PRSS12: variants seen among roughly 807,000 people sequenced by gnomAD.
PRSS12 encodes neurotrypsin.
A neutral mutation model predicts 104.4 loss-of-function variants in PRSS12; 85 were observed. The ratio of observed to expected loss-of-function variants is 0.81; its 90% CI spans 0.68 to 0.98. The LOEUF is 0.98. Among genes scored for constraint, PRSS12 ranks in the 50% least tolerant of loss-of-function variants. The pLI is 0.00. For synonymous variants in PRSS12, 454 were observed against 425.2 expected, an observed-to-expected ratio of 1.07 and a Z score of -0.83; for missense variants, 1,141 against 1,139.2, an observed-to-expected ratio of 1.00 and a Z score of -0.02.
chr4:118,335,340 A>G (rs1004080664), intron 3 of PRSS12, 133 bp downstream of exon 3: 27 of 1,060,630 alleles, frequency 2.5e-5, no homozygotes, highest in Admixed American at 1.3e-4. Flanking sequence ...AGATGGTAAA[A>G]TATTTTGACT....
At chr4:118,310,154 G>A (rs1293286687) in intron 7 of PRSS12, among the ~76,000 whole-genome samples, 1 of 152,172 alleles carries the variant, frequency 6.6e-6, no homozygotes, top group African/African-American at 2.4e-5. Context: ...AAATTTGGGA[G>A]TTCTTTGCAA....
At chr4:118,297,572 T>G (rs1743282695) in intron 9 of PRSS12, among the ~76,000 whole-genome samples, 1 of 151,822 alleles carries the variant, frequency 6.6e-6, no homozygotes, top group South Asian at 2.1e-4. Flanking sequence ...AAAAGGATTG[T>G]AAGTGTTCTT....
chr4:118,293,322 G>A (rs1174030919), intron 11 of PRSS12, among the ~76,000 whole-genome samples: 3 of 151,864 alleles, frequency 2.0e-5, no homozygotes, highest in Non-Finnish European at 2.9e-5. Context: ...AATATTAAAA[G>A]CAAAACTATA....
intron 1 of PRSS12, among the ~76,000 whole-genome samples, chr4:118,351,596 C>T (rs1724506684): frequency 6.6e-6 from 1 of 152,112 alleles, no homozygotes; most frequent in African/African-American, 2.4e-5. Context: ...GTAGTATTCC[C>T]ATCTCTTTTC....
rs115531316 is a variant in PRSS12 at position 118,296,530 on chromosome 4, T to G, written c.1838-674A>C. ...GGCAAATGCAACAGGTATGACTAAT[T>G]TTTAAAATATTTGAGAAAACAGGAG... On this transcript the variant is annotated intron_variant, in intron 9 of 12. Coordinates refer to ENST00000296498, the MANE Select transcript of PRSS12 (RefSeq NM_003619.4). Among the ~76,000 whole-genome samples, 803 of 152,312 alleles carry G rather than the reference T, an allele frequency of 5.3e-3. 14 individuals are homozygous for G. Among genetic ancestry groups the G allele is most frequent in the African/African-American group, 0.018 (760 of 41,558 alleles).
Position 118,338,231 on chromosome 4 carries a change from T to C in PRSS12, c.586A>G (p.Ser196Gly). ...GCATCAGAATCATCCCAGTGGCTGC[T>C]ACAGACAGTGCCCCAAACTCCACTT... ...YASGVWGTVC[S>G]SHWDDSDASV... Residue 196 changes from serine (S) to glycine (G), a missense_variant, in exon 2 of 13, where the codon AGC (serine) becomes GGC (glycine). By Grantham distance (56) the Ser-to-Gly change is moderately conservative (BLOSUM62 0). Coordinates refer to ENST00000296498, the MANE Select transcript of PRSS12 (RefSeq NM_003619.4). The C allele has an allele frequency of 6.2e-7, 1 of 1,614,042 alleles. No homozygotes were observed. Among genetic ancestry groups the C allele is most frequent in the Non-Finnish European group, 8.5e-7 (1 of 1,179,952 alleles).
intron 4 of PRSS12, among the ~76,000 whole-genome samples, chr4:118,329,622 T>C (rs1430099188): frequency 6.6e-6 from 1 of 152,218 alleles, no homozygotes; most frequent in Non-Finnish European, 1.5e-5. Flanking sequence ...CAAATGCTGG[T>C]TACTTTGAAT....
chr4:118,336,040 C>T (rs1379430078), intron 2 of PRSS12, among the ~76,000 whole-genome samples: 1 of 152,184 alleles, frequency 6.6e-6, no homozygotes, highest in African/African-American at 2.4e-5. Flanking sequence ...CTGCAAGTAA[C>T]TCGAAGGCTT....
In PRSS12 at chr4:118,280,586, TTG is replaced by T. The variant is rs1369210071; in HGVS notation, c.*1348_*1349del. 7.2e-5 allele frequency: 11 copies of T among 152,218 alleles called. No individual in the cohort carries two copies. 9.4% of individuals were successfully genotyped at this position (152,218 alleles called of 1,614,324 possible). A position where few individuals can be genotyped will look rare whatever the true frequency, so the allele number is the denominator to read the frequency against. On this transcript the variant is annotated 3_prime_UTR_variant, in exon 13 of 13. Transcript: ENST00000296498. ...ATTCAAGAGGATTACTTAAAACAAT[TTG>T]TAAGTTCATGCTAACCTCTTCCCTA...
rs1264884866 is a variant in PRSS12 at position 118,281,478 on chromosome 4, TTTC to T, written c.*455_*457del. On this transcript the variant is annotated 3_prime_UTR_variant, in exon 13 of 13. Transcript: ENST00000296498. ...ACAAAGGCTACAGAGAATATGAAGA[TTTC>T]TTGTCAAGTCTTTTGAAAAGACCTA... 4.2e-5 allele frequency: 8 copies of T among 188,946 alleles called. No homozygotes were observed. The highest frequency in any genetic ancestry group is 1.6e-4 in the African/African-American group (7 of 42,442). 11.7% of individuals were successfully genotyped at this position (188,946 alleles called of 1,614,324 possible).
intron 7 of PRSS12, 111 bp from the exon 8 acceptor site, chr4:118,308,688 T>C (rs979272337): frequency 1.4e-6 from 2 of 1,422,252 alleles, no homozygotes; most frequent in African/African-American, 2.8e-5. Context: ...TAAAATCAGA[T>C]GGGAAATACT....
rs111532161 is a variant in PRSS12, at chr4:118,298,747, C to T, written c.1823G>A (p.Gly608Asp). The change falls in exon 9 of 13, where the codon GGT (glycine) becomes GAT (aspartate). Residue 608 changes from glycine to aspartate, a missense_variant. Coordinates refer to ENST00000296498, the MANE Select transcript of PRSS12 (RefSeq NM_003619.4). ...AGGTGACTTACCTTTATTACTGTTA[C>T]CTGAGGCCTTCTTGCCAAAATAATC... is the stretch of plus-strand genomic sequence containing the variant. The part of the protein sequence containing the change: ...ICDYFGKKAS[G>D]NSNKESLSSV... The T allele has an allele frequency of 7.4e-6, 12 of 1,614,202 alleles. No individual in the cohort carries two copies. The African/African-American group carries it at 9.3e-5, about 13-fold the overall frequency.
intron 1 of PRSS12, among the ~76,000 whole-genome samples, chr4:118,340,918 T>C (rs1724190076): frequency 6.6e-6 from 1 of 152,218 alleles, no homozygotes; most frequent in Admixed American, 6.5e-5. Context: ...AGTTTAGATT[T>C]TTCTTGGCCT....
intron 11 of PRSS12, among the ~76,000 whole-genome samples, chr4:118,293,207 T>TA (rs1050795000): frequency 6.6e-6 from 1 of 151,706 alleles, no homozygotes; most frequent in Non-Finnish European, 1.5e-5. Flanking sequence ...GAATATTTAA[T>TA]AAAAAAATGC....
intron 8 of PRSS12, among the ~76,000 whole-genome samples, chr4:118,300,864 G>A (rs754396247): frequency 8.5e-5 from 13 of 152,070 alleles, no homozygotes; most frequent in South Asian, 8.3e-4. Context: ...ATTCTTCTGC[G>A]GATAGTTCTC....
Position 118,282,967 on chromosome 4 carries a change from G to T in PRSS12, c.2184C>A (p.Ala728=). 2 of 1,614,100 alleles carry T rather than the reference G, an allele frequency of 1.2e-6. No homozygotes were observed. Among genetic ancestry groups the T allele is most frequent in the Non-Finnish European group, 1.7e-6 (2 of 1,180,022 alleles). The change falls in exon 12 of 13, where the codon GCC becomes GCA. Residue 728 remains alanine (A), a synonymous_variant. Coordinates refer to ENST00000296498, the MANE Select transcript of PRSS12 (RefSeq NM_003619.4). ...YRPDRSDYDI[A]LVRLQGPEEQ... is the part of the protein sequence containing the mutation. Reference sequence around the variant, plus strand: ...CTTCTGGTCCTTGTAATCTAACCAGGGCTATGTCATAATCACTGCGGTCGG... The same window carrying T: ...CTTCTGGTCCTTGTAATCTAACCAGTGCTATGTCATAATCACTGCGGTCGG...
At chr4:118,348,099 C>G (rs1724402444) in intron 1 of PRSS12, among the ~76,000 whole-genome samples, 1 of 152,096 alleles carries the variant, frequency 6.6e-6, no homozygotes, top group Non-Finnish European at 1.5e-5. Flanking sequence ...AATAAATTAG[C>G]TGGACTGTAG....
chr4:118,298,487 G>A (rs980094725), intron 9 of PRSS12, among the ~76,000 whole-genome samples: 3 of 152,144 alleles, frequency 2.0e-5, no homozygotes. Flanking sequence ...GGCTAAGAAA[G>A]TGAAAAGAGG....
Position 118,319,504 on chromosome 4 carries a change from G to C in PRSS12, c.972-948C>G, listed in dbSNP as rs1723554256. On this transcript the variant is annotated intron_variant, in intron 4 of 12. Transcript: ENST00000296498. ...ATAGGGTCCCATACTAAGGATGACAGAAATGCAAACAAGAGAGATTCGGGG... is the reference window on the plus strand; with the variant it reads ...ATAGGGTCCCATACTAAGGATGACACAAATGCAAACAAGAGAGATTCGGGG... 2.0e-5 allele frequency among the ~76,000 whole-genome samples: 3 copies of C among 152,192 alleles called. No individual in the cohort carries two copies. The South Asian group carries it at 6.2e-4, about 32-fold the overall frequency.
Sources: allele counts gnomAD v4.1 joint callset (sites outside exome capture counted in the v4.1 genomes callset), GRCh38; gene constraint gnomAD v4.1.1; transcripts MANE v1.5; gene names NCBI Gene and HGNC (gene_info 2026-07-23, HGNC 2026-07-21).